EVA1A: variants seen among roughly 807,000 people sequenced by gnomAD.
EVA1A encodes the protein eva-1 homolog A, regulator of programmed cell death.
In EVA1A, 7 loss-of-function variants were observed where a neutral mutation model predicts 9.8. The observed-to-expected ratio is 0.71, with a 90% CI of 0.41 to 1.34. The LOEUF is 1.34. Ranked by LOEUF, EVA1A falls within the 40% of genes most tolerant of loss-of-function variation. The pLI, the probability that EVA1A is intolerant of heterozygous loss-of-function variation, is 0.01. For missense variants in EVA1A, 206 were observed against 205.9 expected, an observed-to-expected ratio of 1.00 and a Z score of 0.00; for synonymous variants, 90 against 85.6, an observed-to-expected ratio of 1.05 and a Z score of -0.28.
chr2:75,518,349 T>A, intron 2 of EVA1A, 141 bp from the exon 3 acceptor site: 1 of 933,270 alleles, frequency 1.1e-6, no homozygotes, highest in Non-Finnish European at 1.5e-6. Context: ...CTACAGACCC[T>A]CTCTGGCCAG....
chr2:75,531,815 C>T (rs1416367952), intron 1 of EVA1A, among the ~76,000 whole-genome samples: 1 of 152,094 alleles, frequency 6.6e-6, no homozygotes. Flanking sequence ...ACAGTATACA[C>T]TGCTTGGGTG....
chr2:75,531,033 G>A lies in EVA1A; in HGVS notation c.-191-8546C>T, dbSNP rs145233287. 8.1e-3 allele frequency among the ~76,000 whole-genome samples: 1,228 copies of A among 152,248 alleles called. 8 individuals carry two copies. Among genetic ancestry groups the A allele is most frequent in the Non-Finnish European group, 0.012 (811 of 68,018 alleles). ...GACTCATCAAAAAGCTCCTAGAACT[G>A]ATAAATGAATTCAGTAAGGTTTCAG... On this transcript the variant is annotated intron_variant, in intron 1 of 3. Coordinates refer to ENST00000393913, the MANE Select transcript of EVA1A (RefSeq NM_001135032.2).
At chr2:75,569,111 G>T (rs953945262) in intron 1 of EVA1A, among the ~76,000 whole-genome samples, 4 of 151,842 alleles carry the variant, frequency 2.6e-5, no homozygotes, top group Admixed American at 6.6e-5. Flanking sequence ...CTTTCATCAC[G>T]TCCATGCCAA....
intron 2 of EVA1A, among the ~76,000 whole-genome samples, chr2:75,521,195 A>G (rs1191053375): frequency 1.3e-5 from 2 of 152,242 alleles, no homozygotes. Flanking sequence ...ACTATCAAAA[A>G]TCAGAAAATA....
At chr2:75,499,343 G>T (rs1674329305) in intron 3 of EVA1A, among the ~76,000 whole-genome samples, 1 of 152,142 alleles carries the variant, frequency 6.6e-6, no homozygotes, top group African/African-American at 2.4e-5. Context: ...TGAAATAATG[G>T]AAGTGGGCAT....
chr2:75,513,573 A>G (rs149057004), intron 3 of EVA1A, among the ~76,000 whole-genome samples: 60 of 152,326 alleles, frequency 3.9e-4, no homozygotes, highest in African/African-American at 1.4e-3. Context: ...ATCTTTAGAG[A>G]TATCTGCACT....
At chr2:75,537,743 T>G (rs1265620242) in intron 1 of EVA1A, among the ~76,000 whole-genome samples, 2 of 152,192 alleles carry the variant, frequency 1.3e-5, no homozygotes, top group East Asian at 3.9e-4. Context: ...GTTCTCATTC[T>G]ATTACTTTAT....
intron 3 of EVA1A, among the ~76,000 whole-genome samples, chr2:75,500,112 G>C (rs1055423269): frequency 6.6e-6 from 1 of 152,082 alleles, no homozygotes; most frequent in Non-Finnish European, 1.5e-5. Context: ...GCACTGCCCG[G>C]AGTGCAAAAA....
intron 1 of EVA1A, among the ~76,000 whole-genome samples, chr2:75,541,361 G>A (rs769684287): frequency 1.3e-5 from 2 of 152,154 alleles, no homozygotes; most frequent in Non-Finnish European, 2.9e-5. Flanking sequence ...TATACGAGTC[G>A]GAACCTCAGA....
chr2:75,510,648 C>A (rs1446628810), intron 3 of EVA1A, among the ~76,000 whole-genome samples: 1 of 152,066 alleles, frequency 6.6e-6, no homozygotes, highest in Non-Finnish European at 1.5e-5. Context: ...AAATAATCAC[C>A]CAAAACTCCT....
At chr2:75,533,055 G>T (rs1443864606) in intron 1 of EVA1A, among the ~76,000 whole-genome samples, 1 of 151,334 alleles carries the variant, frequency 6.6e-6, no homozygotes, top group Non-Finnish European at 1.5e-5. Context: ...GAGGTGAGAG[G>T]ATCACTTGAG....
intron 3 of EVA1A, among the ~76,000 whole-genome samples, chr2:75,499,820 C>G (rs1479588221): frequency 6.6e-6 from 1 of 152,150 alleles, no homozygotes; most frequent in Non-Finnish European, 1.5e-5. Flanking sequence ...CCCTGTTGGT[C>G]TAAAAGGGCC....
intron 1 of EVA1A, among the ~76,000 whole-genome samples, chr2:75,523,740 A>G (rs1463058023): frequency 6.6e-6 from 1 of 152,172 alleles, no homozygotes; most frequent in Non-Finnish European, 1.5e-5. Context: ...CCATGCCTTA[A>G]TTCTTATCTT....
Position 75,518,114 on chromosome 2 carries a change from T to C in EVA1A, c.27A>G (p.Pro9=), listed in dbSNP as rs375037470. Residue 9 remains proline, a synonymous_variant, in exon 3 of 4, where the codon CCA becomes CCG. Coordinates refer to ENST00000393913, the MANE Select transcript of EVA1A (RefSeq NM_001135032.2). ...TGAGCAAAGCCATCTCCACGTGCTCTGGGCTGTGGCTGAGGGGCAGCCTCA... is the reference window on the plus strand; with the variant it reads ...TGAGCAAAGCCATCTCCACGTGCTCCGGGCTGTGGCTGAGGGGCAGCCTCA... The part of the protein sequence containing the change: MRLPLSHS[P]EHVEMALLSN... The C allele has an allele frequency of 2.5e-6, 4 of 1,613,980 alleles. No individual in the cohort carries two copies. In the African/African-American group the frequency reaches 5.3e-5, roughly 22 times the overall value.
chr2:75,559,571 GAA>G (rs1054464530), intron 1 of EVA1A, among the ~76,000 whole-genome samples: 2 of 152,284 alleles, frequency 1.3e-5, no homozygotes, highest in Non-Finnish European at 2.9e-5. Flanking sequence ...ATTCAAAGGT[GAA>G]ACCTCAGTGC....
chr2:75,509,668 A>G (rs1674742345), intron 3 of EVA1A, among the ~76,000 whole-genome samples: 1 of 152,158 alleles, frequency 6.6e-6, no homozygotes, highest in Admixed American at 6.6e-5. Flanking sequence ...CACTGTAGTT[A>G]CCATGTGCTC....
At chr2:75,549,942 T>C (rs1676466242) in intron 1 of EVA1A, among the ~76,000 whole-genome samples, 1 of 152,194 alleles carries the variant, frequency 6.6e-6, no homozygotes, top group Non-Finnish European at 1.5e-5. Context: ...CTCAGGGATG[T>C]CAGCATCATG....
At chr2:75,503,947 T>C (rs1365728285) in intron 3 of EVA1A, among the ~76,000 whole-genome samples, 2 of 152,148 alleles carry the variant, frequency 1.3e-5, no homozygotes, top group African/African-American at 4.8e-5. Context: ...ACACATTATA[T>C]ACATGTAACA....
upstream of EVA1A, among the ~76,000 whole-genome samples, chr2:75,564,456 C>A (rs988014184): frequency 6.6e-6 from 1 of 152,190 alleles, no homozygotes; most frequent in African/African-American, 2.4e-5. Flanking sequence ...GTAATGCCAG[C>A]AGAGTGCACA....
Sources: allele counts gnomAD v4.1 joint callset (sites outside exome capture counted in the v4.1 genomes callset), GRCh38; gene constraint gnomAD v4.1.1; transcripts MANE v1.5; gene names NCBI Gene and HGNC (gene_info 2026-07-23, HGNC 2026-07-21).